Variants in MARCHF4 observed in about 807,000 individuals in gnomAD.
MARCHF4 encodes membrane associated ring-CH-type finger 4, also known as E3 ubiquitin-protein ligase MARCHF4.
A neutral mutation model predicts 43.9 loss-of-function variants in MARCHF4; 14 were observed. The observed-to-expected ratio is 0.32, with a 90% CI of 0.21 to 0.50. The LOEUF (loss-of-function observed/expected upper bound fraction) is 0.50. MARCHF4 is among the 20% of genes least tolerant of loss of function. The pLI is 0.98. For missense variants in MARCHF4, 468 were observed against 536.7 expected (o/e 0.87, Z 1.27); for synonymous variants, 226 against 213.3 (o/e 1.06, Z -0.52).
At chr2:216,331,583 C>T (rs1004122915) in intron 1 of MARCHF4, among the ~76,000 whole-genome samples, 22 of 152,066 alleles carry the variant, frequency 1.4e-4, no homozygotes, top group Non-Finnish European at 1.3e-4. Context: ...AACTTACAAA[C>T]AAAATATCAG....
intron 2 of MARCHF4, among the ~76,000 whole-genome samples, chr2:216,279,975 A>C (rs1374738380): frequency 6.6e-6 from 1 of 152,162 alleles, no homozygotes; most frequent in East Asian, 1.9e-4. Flanking sequence ...GACTTCAAAA[A>C]TGCCAAATAT....
chr2:216,354,961 T>G (rs999676889), intron 1 of MARCHF4, among the ~76,000 whole-genome samples: 1 of 146,462 alleles, frequency 6.8e-6, no homozygotes, highest in African/African-American at 2.6e-5. Flanking sequence ...CTTTCTTTCT[T>G]TCTTTCTTTC....
At chr2:216,292,220 C>T (rs1691320767) in intron 1 of MARCHF4, among the ~76,000 whole-genome samples, 1 of 152,226 alleles carries the variant, frequency 6.6e-6, no homozygotes, top group Non-Finnish European at 1.5e-5. Context: ...CAACCCCACC[C>T]TTGGTGAGGG....
intron 1 of MARCHF4, among the ~76,000 whole-genome samples, chr2:216,299,205 T>C (rs941727726): frequency 3.9e-5 from 6 of 152,088 alleles, no homozygotes; most frequent in African/African-American, 1.4e-4. Context: ...TGAGCAGCAG[T>C]GCAACTGTGG....
intron 3 of MARCHF4, 98 bp from the exon 4 acceptor site, chr2:216,259,777 A>T: frequency 8.0e-7 from 1 of 1,248,962 alleles, no homozygotes; most frequent in South Asian, 1.4e-5. Context: ...AGGTATGGGC[A>T]ATGGCTCCAG....
chr2:216,366,121 G>A (rs984792968), intron 1 of MARCHF4, among the ~76,000 whole-genome samples: 1 of 152,166 alleles, frequency 6.6e-6, no homozygotes, highest in Admixed American at 6.5e-5. Flanking sequence ...AAAATGCTAC[G>A]ATGGCACTGC....
At chr2:216,292,760 G>T (rs1490507875) in intron 1 of MARCHF4, among the ~76,000 whole-genome samples, 1 of 152,116 alleles carries the variant, frequency 6.6e-6, no homozygotes, top group African/African-American at 2.4e-5. Flanking sequence ...GACAAAAGAG[G>T]ATCACCAATG....
chr2:216,359,495 G>C (rs1692546326), intron 1 of MARCHF4, among the ~76,000 whole-genome samples: 1 of 152,166 alleles, frequency 6.6e-6, no homozygotes, highest in Admixed American at 6.5e-5. Flanking sequence ...TTAGAAGCTT[G>C]AGTGGAACTC....
At chr2:216,299,222 T>C (rs563403378) in intron 1 of MARCHF4, among the ~76,000 whole-genome samples, 28 of 152,182 alleles carry the variant, frequency 1.8e-4, no homozygotes, top group Non-Finnish European at 3.5e-4. Flanking sequence ...GTGGCAATCT[T>C]GGAGGGGGGT....
intron 1 of MARCHF4, among the ~76,000 whole-genome samples, chr2:216,315,400 C>T (rs771723299): frequency 6.6e-6 from 1 of 152,196 alleles, no homozygotes; most frequent in East Asian, 1.9e-4. Flanking sequence ...TATTCTTCAA[C>T]TCAGCAAGTC....
At chr2:216,263,547 G>A (rs1172264954) in intron 3 of MARCHF4, among the ~76,000 whole-genome samples, 63 of 151,654 alleles carry the variant, frequency 4.2e-4, no homozygotes, top group Admixed American at 2.0e-3. Context: ...GAAAGAGAGA[G>A]AGAGAAAGAA....
At chr2:216,321,380 C>T (rs1054755306) in intron 1 of MARCHF4, among the ~76,000 whole-genome samples, 1 of 152,050 alleles carries the variant, frequency 6.6e-6, no homozygotes, top group African/African-American at 2.4e-5. Flanking sequence ...TCTAAAATAA[C>T]ATGAAATTGC....
intron 3 of MARCHF4, among the ~76,000 whole-genome samples, chr2:216,267,341 A>C (rs531385390): frequency 2.6e-4 from 39 of 152,338 alleles, no homozygotes; most frequent in Non-Finnish European, 4.9e-4. Context: ...AAAAATAAAA[A>C]CAAAGAAAAA....
chr2:216,340,187 C>A (rs1400926303), intron 1 of MARCHF4, among the ~76,000 whole-genome samples: 2 of 152,220 alleles, frequency 1.3e-5, no homozygotes, highest in Admixed American at 6.5e-5. Flanking sequence ...ACAAAGCCTG[C>A]TGCCAGATTC....
intron 1 of MARCHF4, among the ~76,000 whole-genome samples, chr2:216,291,371 G>T (rs1036891376): frequency 6.6e-6 from 1 of 152,180 alleles, no homozygotes; most frequent in African/African-American, 2.4e-5. Flanking sequence ...AAAGGCATAC[G>T]CTGAGAGTGA....
intron 1 of MARCHF4, among the ~76,000 whole-genome samples, chr2:216,302,897 CAAAAAAAAAAAAAA>C (rs201503998): frequency 0.47 from 37,156 of 78,490 alleles, 6,042 homozygotes; most frequent in Middle Eastern, 0.53. Flanking sequence ...GACTCTGTAT[CAAAAAAAAAAAAAA>C]AAAAAAAAAA....
chr2:216,320,643 C>G (rs1330218118), intron 1 of MARCHF4, among the ~76,000 whole-genome samples: 2 of 116,322 alleles, frequency 1.7e-5, no homozygotes, highest in Admixed American at 8.8e-5. Flanking sequence ...TTCTTTCTTT[C>G]TTTCTTTCTT....
At chr2:216,293,298 G>A (rs1045308575) in intron 1 of MARCHF4, among the ~76,000 whole-genome samples, 1 of 152,130 alleles carries the variant, frequency 6.6e-6, no homozygotes, top group African/African-American at 2.4e-5. Flanking sequence ...TTGGCTTCAG[G>A]AGACTAACAG....
chr2:216,308,332 A>G (rs571760265), intron 1 of MARCHF4, among the ~76,000 whole-genome samples: 40 of 152,218 alleles, frequency 2.6e-4, no homozygotes, highest in African/African-American at 8.4e-4. Flanking sequence ...TGAGCCAAGG[A>G]GGCAGAGTTT....
Sources: gnomAD v4.1 joint callset for allele counts (sites outside exome capture counted in the v4.1 genomes callset) on GRCh38, gnomAD v4.1.1 for gene constraint, MANE v1.5 for transcripts, NCBI Gene and HGNC (gene_info 2026-07-23, HGNC 2026-07-21) for gene names.